Variants in NAV2 observed in about 807,000 individuals in gnomAD.
The protein encoded by NAV2 is helicase, APC down-regulated 1.
In NAV2, 54 loss-of-function variants were observed where a neutral mutation model predicts 223.2. The observed-to-expected ratio is 0.24, with a 90% CI of 0.19 to 0.30. The LOEUF is 0.30. Ranked by LOEUF, NAV2 falls within the 10% of genes least tolerant of loss-of-function variation. NAV2 has a pLI of 1.00. For synonymous variants in NAV2, 1,279 were observed against 1,239.3 expected (o/e 1.03, Z -0.67); for missense variants, 2,806 against 3,147.5 (o/e 0.89, Z 2.60).
intron 1 of NAV2, among the ~76,000 whole-genome samples, chr11:19,823,630 T>C (rs1644971476): frequency 6.6e-6 from 1 of 152,152 alleles, no homozygotes; most frequent in African/African-American, 2.4e-5. Flanking sequence ...TGTGAGCCAC[T>C]GTGCCCAGCT....
chr11:19,454,287 C>T (rs754910367), intron 1 of NAV2, among the ~76,000 whole-genome samples: 11 of 152,246 alleles, frequency 7.2e-5, no homozygotes, highest in Admixed American at 6.5e-5. Flanking sequence ...GAAAGCAGTC[C>T]GCCTGACCTC....
At chr11:20,023,714 GT>G (rs2054757976) in intron 11 of NAV2, among the ~76,000 whole-genome samples, 2 of 151,760 alleles carry the variant, frequency 1.3e-5, no homozygotes, top group Admixed American at 1.3e-4. Context: ...GTGTGTGTGT[GT>G]GTGTGTGTGT....
At chr11:20,085,724 C>T (rs1020525444) in intron 26 of NAV2, among the ~76,000 whole-genome samples, 1 of 152,230 alleles carries the variant, frequency 6.6e-6, no homozygotes, top group East Asian at 1.9e-4. Flanking sequence ...CACTGAGGCT[C>T]CCGCCATCCA....
chr11:20,107,544 C>T, intron 35 of NAV2, 120 bp from the exon 36 acceptor site: 1 of 758,982 alleles, frequency 1.3e-6, no homozygotes, highest in Non-Finnish European at 2.3e-6. Flanking sequence ...GGCCTCAGCC[C>T]TGCCATCCCT....
chr11:19,995,385 T>C (rs1388083248), intron 11 of NAV2, among the ~76,000 whole-genome samples: 1 of 152,196 alleles, frequency 6.6e-6, no homozygotes, highest in Non-Finnish European at 1.5e-5. Flanking sequence ...AGGCCCTTCA[T>C]GTGTACAACT....
intron 3 of NAV2, among the ~76,000 whole-genome samples, chr11:19,860,067 A>G (rs77924072): frequency 0.011 from 192 of 17,980 alleles, no homozygotes; most frequent in East Asian, 0.015. Context: ...TCCCTCCTGG[A>G]CGGGGCGGCT....
At chr11:19,519,853 A>G (rs2043586315) in intron 1 of NAV2, 1 of 152,198 alleles carries the variant, frequency 6.6e-6, no homozygotes, top group South Asian at 2.1e-4. Flanking sequence ...TGGGCCTCTC[A>G]GGGAGATCCT....
rs574859539 is a variant in NAV2 at position 19,903,981 on chromosome 11, T to C, written c.931+11387T>C. ...AACTGACAGCAGGCCTGAGCTAAAA[T>C]TGGTCTTCACAAAGCCGTCCACCCA... On this transcript the variant is annotated intron_variant, in intron 6 of 37. Coordinates refer to ENST00000349880, the MANE Select transcript of NAV2 (RefSeq NM_145117.5). Among the ~76,000 whole-genome samples, 8 of 152,308 alleles carry C rather than the reference T, an allele frequency of 5.3e-5. No individual in the cohort carries two copies. In the East Asian group the frequency reaches 1.4e-3, roughly 26 times the overall value.
At chr11:19,407,056 G>A (rs1392662791) in intron 1 of NAV2, among the ~76,000 whole-genome samples, 2 of 152,222 alleles carry the variant, frequency 1.3e-5, no homozygotes, top group African/African-American at 4.8e-5. Context: ...GATGGAGGCA[G>A]GGAGGAGATG....
chr11:19,832,130 G>C lies in NAV2; in HGVS notation c.268-354G>C, dbSNP rs1409811594. On this transcript the variant is annotated intron_variant, in intron 1 of 37. Coordinates refer to ENST00000349880, the MANE Select transcript of NAV2 (RefSeq NM_145117.5). ...TAAAGAGAAAAAGATGGGAAGGGGT[G>C]GGGGAGACTTTGCTTGCATCTAGAG... 5.9e-5 allele frequency among the ~76,000 whole-genome samples: 9 copies of C among 152,186 alleles called. 1 individual carries two copies. The highest frequency in any genetic ancestry group is 1.0e-4 in the Non-Finnish European group (7 of 68,032).
chr11:19,769,880 G>C (rs1208694787), intron 1 of NAV2, among the ~76,000 whole-genome samples: 1 of 151,976 alleles, frequency 6.6e-6, no homozygotes, highest in African/African-American at 2.4e-5. Context: ...TAGTTCCCAG[G>C]AAACATAGAC....
chr11:19,971,968 G>T (rs2049289152), intron 10 of NAV2, among the ~76,000 whole-genome samples: 1 of 152,222 alleles, frequency 6.6e-6, no homozygotes. Flanking sequence ...CTCCCAAAGT[G>T]CTGGGATTAC....
At chr11:19,489,710 A>G (rs1318694789) in intron 1 of NAV2, among the ~76,000 whole-genome samples, 2 of 152,226 alleles carry the variant, frequency 1.3e-5, no homozygotes, top group Non-Finnish European at 2.9e-5. Context: ...TGTCTTGTGG[A>G]GTATTGGGAT....
At chr11:19,576,007 C>A (rs1170157520) in intron 1 of NAV2, among the ~76,000 whole-genome samples, 1 of 152,108 alleles carries the variant, frequency 6.6e-6, no homozygotes, top group Non-Finnish European at 1.5e-5. Context: ...TTAAGTCATA[C>A]AGAGTGAGGA....
At chr11:20,049,233 C>A in intron 15 of NAV2, 38 bp downstream of exon 15, 2 of 1,397,746 alleles carry the variant, frequency 1.4e-6, no homozygotes, top group South Asian at 1.4e-5. Context: ...CTCAGAAAGA[C>A]ACCCTTCCAA....
chr11:19,701,798 C>A (rs773234041), intron 1 of NAV2, among the ~76,000 whole-genome samples: 2 of 152,082 alleles, frequency 1.3e-5, no homozygotes, highest in Non-Finnish European at 2.9e-5. Flanking sequence ...TTTTTCCACC[C>A]GTGAAGCTCT....
At chr11:19,529,916 C>CT in intron 1 of NAV2, among the ~76,000 whole-genome samples, 1 of 152,294 alleles carries the variant, frequency 6.6e-6, no homozygotes, top group Middle Eastern at 3.4e-3. Flanking sequence ...AACAAAACAT[C>CT]TTTTTTACTA....
chr11:19,929,695 AG>A (rs1487632443), intron 6 of NAV2, among the ~76,000 whole-genome samples: 1 of 152,208 alleles, frequency 6.6e-6, no homozygotes, highest in East Asian at 1.9e-4. Context: ...AAAACCCTAA[AG>A]ACTCATCACA....
At chr11:19,358,340 C>T (rs1374544124) in intron 1 of NAV2, among the ~76,000 whole-genome samples, 1 of 152,104 alleles carries the variant, frequency 6.6e-6, no homozygotes, top group African/African-American at 2.4e-5. Context: ...GGGACTGGGA[C>T]AGGTGGCTGA....
Sources: gnomAD v4.1 joint callset for allele counts (sites outside exome capture counted in the v4.1 genomes callset) on GRCh38, gnomAD v4.1.1 for gene constraint, MANE v1.5 for transcripts, NCBI Gene and HGNC (gene_info 2026-07-23, HGNC 2026-07-21) for gene names.